The following ABHD3 variants were observed in gnomAD, a reference collection of about 807,000 sequenced individuals.
ABHD3 encodes the protein abhydrolase domain containing 3, phospholipase.
ABHD3 carries 46 observed loss-of-function variants against 48.8 expected under a neutral mutation model. The observed-to-expected ratio is 0.94, with a 90% CI of 0.74 to 1.20. The LOEUF is 1.20. ABHD3 is among the 50% of genes most tolerant of loss of function. The pLI is 0.00. For synonymous variants in ABHD3, 192 were observed against 183.7 expected (o/e 1.04, Z -0.36); for missense variants, 490 against 497.8 (o/e 0.98, Z 0.15).
rs1340863965 is a variant in ABHD3 at position 21,651,434 on chromosome 18, T to C, written c.*157A>G. 2 of 738,676 alleles carry C rather than the reference T, an allele frequency of 2.7e-6. No homozygotes were observed. The highest frequency in any genetic ancestry group is 4.1e-6 in the Non-Finnish European group (2 of 484,994). The allele number at this position is 738,676 out of a possible 1,614,324, so 45.8% of individuals were successfully genotyped here. ...TATTTAATTTGTTGCTACAAAGTTG[T>C]TTTGTTTCTCTAAAAAGTAGTTTTT... is the stretch of plus-strand genomic sequence containing the variant. On this transcript the variant is annotated 3_prime_UTR_variant, in exon 9 of 9. Coordinates refer to ENST00000289119, the MANE Select transcript of ABHD3 (RefSeq NM_138340.5).
intron 4 of ABHD3, among the ~76,000 whole-genome samples, chr18:21,668,686 A>G (rs2039691895): frequency 6.6e-6 from 1 of 152,220 alleles, no homozygotes; most frequent in Admixed American, 6.5e-5. Context: ...TGAGGTATAC[A>G]GTGAATAAAT....
intron 4 of ABHD3, among the ~76,000 whole-genome samples, chr18:21,675,393 CG>C (rs750226291): frequency 1.1e-4 from 16 of 151,628 alleles, no homozygotes; most frequent in Non-Finnish European, 2.1e-4. Flanking sequence ...CTCAGCCCCC[CG>C]AGCAGCTGGG....
intron 4 of ABHD3, among the ~76,000 whole-genome samples, chr18:21,680,943 GTCT>G (rs1427788893): frequency 6.6e-6 from 1 of 151,070 alleles, no homozygotes; most frequent in Non-Finnish European, 1.5e-5. Context: ...GCCCAGGCTG[GTCT>G]TCAACTTCTG....
rs769743947 is a variant in ABHD3, at chr18:21,663,728, G to T, written c.668+390C>A. 13 of 1,535,580 alleles carry T rather than the reference G, an allele frequency of 8.5e-6. No homozygotes were observed. In the African/African-American group the frequency reaches 1.5e-4, roughly 18 times the overall value. On this transcript the variant is annotated intron_variant, in intron 5 of 8. Coordinates refer to ENST00000289119, the MANE Select transcript of ABHD3 (RefSeq NM_138340.5). The stretch of plus-strand genomic sequence containing the variant: ...ACTGCAGCTGGAGAGAGCAATAAGT[G>T]ATTATTTCTGTAACTGGAGTGATGA...
At position 21,651,651 on chromosome 18, in the gene ABHD3, C is replaced by T; in HGVS notation, c.1170G>A (p.Met390Ile). Residue 390 changes from methionine (M) to isoleucine (I), a missense_variant, in exon 9 of 9, where the codon ATG becomes ATA. Met to Ile is a conservative substitution (Grantham distance 10). Transcript: ENST00000289119. ...GCACAAATTGCTTGAAGACACGATC[C>T]ATGTAAGTGGACTGTCTTGGCCAGA... is the stretch of plus-strand genomic sequence containing the variant. ...EGIWPRQSTY[M>I]DRVFKQFVQA... The T allele has an allele frequency of 6.2e-7, 1 of 1,614,034 alleles. No individual in the cohort carries two copies. The highest frequency in any genetic ancestry group is 8.5e-7 in the Non-Finnish European group (1 of 1,179,984).
At chr18:21,694,572 G>A (rs1244214473) in intron 3 of ABHD3, among the ~76,000 whole-genome samples, 1 of 152,148 alleles carries the variant, frequency 6.6e-6, no homozygotes, top group African/African-American at 2.4e-5. Context: ...TTTTCTCTAA[G>A]TAGGAAATAA....
intron 4 of ABHD3, among the ~76,000 whole-genome samples, chr18:21,672,578 T>C (rs1248143022): frequency 6.6e-6 from 1 of 152,222 alleles, no homozygotes; most frequent in Non-Finnish European, 1.5e-5. Context: ...AAGTCTGTGA[T>C]TCCTGTGTGG....
intron 3 of ABHD3, among the ~76,000 whole-genome samples, chr18:21,685,286 C>T (rs570076099): frequency 6.6e-6 from 1 of 152,286 alleles, no homozygotes; most frequent in South Asian, 2.1e-4. Context: ...AACAAAGAAC[C>T]TACTGCTGTA....
chr18:21,652,980 G>A (rs900704137), intron 8 of ABHD3, among the ~76,000 whole-genome samples: 2 of 144,234 alleles, frequency 1.4e-5, no homozygotes, highest in African/African-American at 5.2e-5. Context: ...TTGAACCCGG[G>A]AGGCAGAGGC....
Position 21,703,665 on chromosome 18 carries a change from G to C in ABHD3, c.245C>G (p.Pro82Arg), listed in dbSNP as rs1287907254. ...HCPVVTETYY[P>R]TVWCWEGRGQ... is the part of the protein sequence containing the mutation. ...TCGACCCTCCCAGCACCAGACCGTCGGGTAGTACGTTTCTGTAACCACGGG... is the reference window on the plus strand; with the variant it reads ...TCGACCCTCCCAGCACCAGACCGTCCGGTAGTACGTTTCTGTAACCACGGG... The change falls in exon 2 of 9, where the codon CCG becomes CGG. Residue 82 changes from proline (P) to arginine (R), a missense_variant. By Grantham distance (103) the Pro-to-Arg change is moderately radical. Coordinates refer to ENST00000289119, the MANE Select transcript of ABHD3 (RefSeq NM_138340.5). 1 of 1,614,110 alleles carries C rather than the reference G, an allele frequency of 6.2e-7. No individual in the cohort carries two copies. Among genetic ancestry groups the C allele is most frequent in the Non-Finnish European group, 8.5e-7 (1 of 1,180,028 alleles).
intron 4 of ABHD3, among the ~76,000 whole-genome samples, chr18:21,679,541 T>G (rs1016862724): frequency 2.6e-5 from 4 of 152,192 alleles, no homozygotes; most frequent in African/African-American, 9.6e-5. Flanking sequence ...TTAATTAAAT[T>G]TTTTTGAGAC....
intron 8 of ABHD3, among the ~76,000 whole-genome samples, chr18:21,655,544 A>C (rs1229153187): frequency 6.6e-6 from 1 of 152,166 alleles, no homozygotes; most frequent in East Asian, 1.9e-4. Flanking sequence ...TTGACTTAAG[A>C]AAGCAGGAAA....
At chr18:21,685,686 G>A (rs544647178) in intron 3 of ABHD3, among the ~76,000 whole-genome samples, 101 of 152,110 alleles carry the variant, frequency 6.6e-4, no homozygotes, top group Non-Finnish European at 1.0e-3. Flanking sequence ...ACACCAACAC[G>A]GCTCAGCTAA....
chr18:21,669,830 GGAAACTCCTCTC>G (rs2039716124), intron 4 of ABHD3, among the ~76,000 whole-genome samples: 1 of 152,144 alleles, frequency 6.6e-6, no homozygotes, highest in Non-Finnish European at 1.5e-5. Flanking sequence ...CTCAGTGAAA[GGAAACTCCTCTC>G]GAGTACAGGG....
intron 3 of ABHD3, among the ~76,000 whole-genome samples, chr18:21,699,394 T>C (rs746376441): frequency 1.3e-5 from 2 of 152,232 alleles, no homozygotes; most frequent in Non-Finnish European, 2.9e-5. Flanking sequence ...TGTTATCTGC[T>C]AGATCCCATG....
chr18:21,702,169 G>GA (rs1156233225), intron 3 of ABHD3, 147 bp downstream of exon 3: 2 of 697,386 alleles, frequency 2.9e-6, no homozygotes, highest in African/African-American at 1.8e-5. Context: ...AAAGAAAGAG[G>GA]AAAAAAAGAA....
rs1207772549 is a variant in ABHD3 at position 21,704,535 on chromosome 18, T to C, written c.131A>G (p.Tyr44Cys). 3 of 1,508,986 alleles carry C rather than the reference T, an allele frequency of 2.0e-6. No individual in the cohort carries two copies. The highest frequency in any genetic ancestry group is 2.9e-5 in the African/African-American group (2 of 69,540). The allele number at this position is 1,508,986 out of a possible 1,614,324, so 93.5% of individuals were successfully genotyped here. A position where few individuals can be genotyped will look rare whatever the true frequency, so the allele number is the denominator to read the frequency against. ...LSLILGFSVA[Y>C]AFYYLSSIAK... ...AATGCTGCTCAGGTAGTAGAAGGCA[T>C]AAGCGACGCTGAAGCCCAGGATAAG... is the stretch of plus-strand genomic sequence containing the variant. The change falls in exon 1 of 9, where the codon TAT becomes TGT. Residue 44 changes from tyrosine (Y) to cysteine (C), a missense_variant. Physicochemically the swap from Tyr to Cys is radical, Grantham distance 194. Transcript: ENST00000289119.
intron 8 of ABHD3, among the ~76,000 whole-genome samples, chr18:21,652,170 G>T (rs775516591): frequency 1.3e-4 from 20 of 152,154 alleles, no homozygotes; most frequent in Non-Finnish European, 2.9e-4. Context: ...GTGAGAGTTA[G>T]AAATTCATTA....
intron 4 of ABHD3, among the ~76,000 whole-genome samples, chr18:21,668,965 G>A (rs573915019): frequency 6.4e-4 from 98 of 152,280 alleles, no homozygotes; most frequent in African/African-American, 2.3e-3. Flanking sequence ...GCATATGCCT[G>A]TAGTCCCAGG....
Sources: allele counts gnomAD v4.1 joint callset (sites outside exome capture counted in the v4.1 genomes callset), GRCh38; gene constraint gnomAD v4.1.1; transcripts MANE v1.5; gene names NCBI Gene and HGNC (gene_info 2026-07-23, HGNC 2026-07-21).